Variants in LGR5 observed in about 807,000 individuals in gnomAD.
LGR5 encodes leucine rich repeat containing G protein-coupled receptor 5, also known as leucine-rich repeat-containing G protein-coupled receptor 5.
In LGR5, 54 loss-of-function variants were observed where a neutral mutation model predicts 76.7. That is an observed-to-expected ratio of 0.70 (90% CI 0.57 to 0.88). The LOEUF (loss-of-function observed/expected upper bound fraction) is 0.88, where lower values mean the gene tolerates loss of function less well. LGR5 is among the 40% of genes least tolerant of loss of function. The pLI is 0.00. For synonymous variants in LGR5, 406 were observed against 421.9 expected (o/e 0.96, Z 0.46); for missense variants, 1,078 against 1,073.3 (o/e 1.00, Z -0.06).
At chr12:71,573,500 C>T (rs1878708769) in intron 13 of LGR5, among the ~76,000 whole-genome samples, 1 of 151,538 alleles carries the variant, frequency 6.6e-6, no homozygotes, top group African/African-American at 2.4e-5. Context: ...TATTTAATTC[C>T]ATTTTATGAT....
Position 71,584,783 on chromosome 12 carries a change from G to A in LGR5, c.*49G>A, listed in dbSNP as rs1479407632. The A allele has an allele frequency of 6.4e-7, 1 of 1,555,754 alleles. No homozygotes were observed. The highest frequency in any genetic ancestry group is 2.3e-5 in the East Asian group (1 of 44,330). ...TCAAAGGTTGAGAACCTGAAAATGT[G>A]AGATTGAGTATATCAGAGCAGTAAT... On this transcript the variant is annotated 3_prime_UTR_variant, in exon 18 of 18. Transcript: ENST00000266674.
chr12:71,515,353 A>T (rs1336576613), intron 2 of LGR5, among the ~76,000 whole-genome samples: 3 of 152,232 alleles, frequency 2.0e-5, no homozygotes, highest in African/African-American at 7.2e-5. Flanking sequence ...CACTAATTAT[A>T]TTATCATAGT....
intron 2 of LGR5, 98 bp from the exon 3 acceptor site, chr12:71,524,308 G>T: frequency 8.0e-5 from 58 of 728,538 alleles, no homozygotes; most frequent in East Asian, 1.8e-4. Flanking sequence ...TTTGATATTT[G>T]TGGTTTAAAC....
At chr12:71,553,477 C>G (rs1446820103) in intron 5 of LGR5, among the ~76,000 whole-genome samples, 189 bp downstream of exon 5, 1 of 152,040 alleles carries the variant, frequency 6.6e-6, no homozygotes, top group African/African-American at 2.4e-5. Context: ...TTATCAATTA[C>G]CTGCTAGATG....
chr12:71,584,673 CA>C lies in LGR5; in HGVS notation c.2664del (p.Ala889LeufsTer4). ...YDLPPSSVPS[P>X]AYPVTESCHL... is the part of the protein sequence containing the mutation. Reference sequence around the variant, plus strand: ...CTGCCTCCCAGTTCCGTGCCATCACCAGCTTATCCAGTGACTGAGAGCTGCC... The same window carrying C: ...CTGCCTCCCAGTTCCGTGCCATCACCGCTTATCCAGTGACTGAGAGCTGCC... On this transcript the variant is annotated frameshift_variant, in exon 18 of 18. Transcript: ENST00000266674. LOFTEE classifies it high-confidence loss of function. 6.2e-7 allele frequency: 1 copy of C among 1,614,102 alleles called. No homozygotes were observed. Among genetic ancestry groups the C allele is most frequent in the African/African-American group, 1.3e-5 (1 of 75,046 alleles).
chr12:71,494,753 A>T (rs780795968), intron 1 of LGR5, among the ~76,000 whole-genome samples: 49 of 151,210 alleles, frequency 3.2e-4, no homozygotes, highest in Non-Finnish European at 6.8e-4. Flanking sequence ...CTACAAACTC[A>T]GTCTAGTTCC....
chr12:71,561,898 C>A, intron 8 of LGR5, 46 bp downstream of exon 8: 4 of 1,085,408 alleles, frequency 3.7e-6, no homozygotes, highest in South Asian at 1.4e-5. Flanking sequence ...TGAAATATAG[C>A]ATATATTATA....
intron 1 of LGR5, among the ~76,000 whole-genome samples, chr12:71,455,407 GA>G (rs1241413348): frequency 6.6e-6 from 1 of 152,086 alleles, no homozygotes; most frequent in Non-Finnish European, 1.5e-5. Context: ...CAGGATTGTA[GA>G]AAATGGGAGG....
intron 3 of LGR5, among the ~76,000 whole-genome samples, chr12:71,526,588 A>T (rs1263835435): frequency 6.6e-6 from 1 of 152,220 alleles, no homozygotes; most frequent in East Asian, 1.9e-4. Flanking sequence ...TATAAAGATC[A>T]ATAAATATTG....
rs1158553477 is a variant in LGR5, at chr12:71,586,034, G to GA, written c.*1306dup. 5 of 151,898 alleles carry GA rather than the reference G, an allele frequency of 3.3e-5. No individual in the cohort carries two copies. The highest frequency in any genetic ancestry group is 5.9e-5 in the Non-Finnish European group (4 of 67,950). 9.4% of individuals were successfully genotyped at this position (151,898 alleles called of 1,614,324 possible). On this transcript the variant is annotated 3_prime_UTR_variant, in exon 18 of 18. Coordinates refer to ENST00000266674, the MANE Select transcript of LGR5 (RefSeq NM_003667.4). ...TGATCAGATGTTTTAACTTGGATTT[G>GA]AAAAAATACATTTATGAGATGTTTT... is the stretch of plus-strand genomic sequence containing the variant.
intron 8 of LGR5, among the ~76,000 whole-genome samples, chr12:71,564,741 T>C (rs960714661): frequency 7.2e-4 from 19 of 26,442 alleles, no homozygotes; most frequent in African/African-American, 1.2e-3. Flanking sequence ...GTACACACAC[T>C]GTATATATAT....
chr12:71,475,652 C>A (rs148394896), intron 1 of LGR5, among the ~76,000 whole-genome samples: 2 of 152,178 alleles, frequency 1.3e-5, no homozygotes, highest in African/African-American at 2.4e-5. Context: ...CTCATCCCCC[C>A]CTTATCATAG....
chr12:71,583,618 C>A, intron 17 of LGR5, 29 bp from the exon 18 acceptor site: 1 of 1,574,038 alleles, frequency 6.4e-7, no homozygotes, highest in Non-Finnish European at 8.6e-7. Context: ...TAATTTGATA[C>A]TCAATCTTTG....
chr12:71,473,750 G>A (rs1308737475), intron 1 of LGR5, among the ~76,000 whole-genome samples: 4 of 151,872 alleles, frequency 2.6e-5, no homozygotes, highest in Non-Finnish European at 1.5e-5. Context: ...CAGATTACTA[G>A]TGTTTTATTA....
At chr12:71,524,044 A>AGTT (rs1441142414) in intron 2 of LGR5, among the ~76,000 whole-genome samples, 1 of 152,238 alleles carries the variant, frequency 6.6e-6, no homozygotes, top group East Asian at 1.9e-4. Flanking sequence ...TACAAAGAAT[A>AGTT]GTTGTAAAAC....
intron 4 of LGR5, among the ~76,000 whole-genome samples, chr12:71,544,380 G>A (rs1877050331): frequency 7.7e-6 from 1 of 129,976 alleles, no homozygotes; most frequent in South Asian, 2.3e-4. Context: ...CTTCCTACTG[G>A]CCTCATTAAG....
At chr12:71,525,517 T>C (rs1196407957) in intron 3 of LGR5, among the ~76,000 whole-genome samples, 2 of 151,864 alleles carry the variant, frequency 1.3e-5, no homozygotes, top group African/African-American at 4.8e-5. Flanking sequence ...CTCCGATGCA[T>C]ATAGTTTCAC....
chr12:71,567,203 TC>T (rs1487252108), intron 11 of LGR5: 5 of 376,054 alleles, frequency 1.3e-5, no homozygotes, highest in African/African-American at 2.1e-5. Context: ...TCACTTTATT[TC>T]CCCCTCTAAA....
At chr12:71,565,487 AT>A (rs1416071066) in intron 8 of LGR5, among the ~76,000 whole-genome samples, 11 of 150,396 alleles carry the variant, frequency 7.3e-5, no homozygotes, top group Middle Eastern at 3.5e-3. Context: ...ATATATATAT[AT>A]AACACATACA....
Sources: gnomAD v4.1 joint callset for allele counts (sites outside exome capture counted in the v4.1 genomes callset) on GRCh38, gnomAD v4.1.1 for gene constraint, MANE v1.5 for transcripts, NCBI Gene and HGNC (gene_info 2026-07-23, HGNC 2026-07-21) for gene names.